CPNE8: variants seen among roughly 807,000 people sequenced by gnomAD.
CPNE8 encodes the protein copine 8.
In CPNE8, 45 loss-of-function variants were observed where a neutral mutation model predicts 81.5. The ratio of observed to expected loss-of-function variants is 0.55; its 90% CI spans 0.44 to 0.71. CPNE8 has a LOEUF of 0.71. Among genes scored for constraint, CPNE8 ranks in the 30% least tolerant of loss-of-function variants. The pLI is 0.00. For synonymous variants in CPNE8, 252 were observed against 226.3 expected (o/e 1.11, Z -1.02); for missense variants, 594 against 672.1 (o/e 0.88, Z 1.28).
At chr12:38,740,875 G>T (rs1016441647) in intron 10 of CPNE8, among the ~76,000 whole-genome samples, 1 of 152,112 alleles carries the variant, frequency 6.6e-6, no homozygotes, top group East Asian at 1.9e-4. Context: ...TCTCTGCCAG[G>T]CTTTGGTATC....
At chr12:38,830,224 G>T (rs1943262699) in intron 5 of CPNE8, among the ~76,000 whole-genome samples, 1 of 152,026 alleles carries the variant, frequency 6.6e-6, no homozygotes, top group Admixed American at 6.5e-5. Context: ...ATTTCACATT[G>T]CATGCCTATA....
chr12:38,851,646 T>C (rs1943648240), intron 3 of CPNE8, among the ~76,000 whole-genome samples: 1 of 152,218 alleles, frequency 6.6e-6, no homozygotes, highest in South Asian at 2.1e-4. Flanking sequence ...CTAACTTACA[T>C]TTCTGCTTCT....
chr12:38,905,165 G>T (rs1319407032), intron 1 of CPNE8, among the ~76,000 whole-genome samples: 1 of 152,136 alleles, frequency 6.6e-6, no homozygotes, highest in Non-Finnish European at 1.5e-5. Flanking sequence ...GGCGGCGGCC[G>T]GTGTTCCCAC....
chr12:38,674,276 G>A (rs1291510469), intron 18 of CPNE8, among the ~76,000 whole-genome samples: 1 of 152,100 alleles, frequency 6.6e-6, no homozygotes, highest in Non-Finnish European at 1.5e-5. Flanking sequence ...AGGTGTGGGA[G>A]CTCTCAAAGA....
chr12:38,694,324 G>T (rs1939746205), intron 14 of CPNE8, among the ~76,000 whole-genome samples: 1 of 152,102 alleles, frequency 6.6e-6, no homozygotes, highest in Non-Finnish European at 1.5e-5. Context: ...GAAGTATAGT[G>T]ATTTTCAAGT....
At chr12:38,720,378 C>T (rs546893351) in intron 13 of CPNE8, among the ~76,000 whole-genome samples, 1 of 152,192 alleles carries the variant, frequency 6.6e-6, no homozygotes, top group East Asian at 1.9e-4. Context: ...TTTATTGGTA[C>T]CAGATTCTGA....
intron 6 of CPNE8, among the ~76,000 whole-genome samples, chr12:38,791,354 C>A (rs1942318568): frequency 4.0e-5 from 6 of 151,090 alleles, no homozygotes; most frequent in Admixed American, 3.3e-4. Flanking sequence ...CTAAAATGGA[C>A]CATATACTAT....
intron 13 of CPNE8, among the ~76,000 whole-genome samples, chr12:38,722,655 T>C (rs1488685998): frequency 6.6e-6 from 1 of 152,240 alleles, no homozygotes; most frequent in Non-Finnish European, 1.5e-5. Flanking sequence ...TTCACTCCAC[T>C]TTTGCGTATT....
chr12:38,697,541 T>C (rs1939827209), intron 14 of CPNE8, among the ~76,000 whole-genome samples: 1 of 152,200 alleles, frequency 6.6e-6, no homozygotes, highest in Middle Eastern at 3.2e-3. Flanking sequence ...CTAGGTCATA[T>C]GGTAACTCTA....
In CPNE8 at chr12:38,794,722, G is replaced by C. The variant is rs939282793; in HGVS notation, c.408-18421C>G. ...TGAAACCCTTGTGCACTATTGGTGG[G>C]ATTATAAAACAGTGCAATTGCTATA... On this transcript the variant is annotated intron_variant, in intron 6 of 19. Transcript: ENST00000331366. 2.6e-5 allele frequency among the ~76,000 whole-genome samples: 4 copies of C among 151,900 alleles called. No individual in the cohort carries two copies. In the East Asian group the frequency reaches 7.7e-4, roughly 29 times the overall value.
chr12:38,675,838 G>T, intron 17 of CPNE8, 64 bp from the exon 18 acceptor site: 2 of 1,057,998 alleles, frequency 1.9e-6, no homozygotes, highest in South Asian at 1.3e-5. Flanking sequence ...AATAATTAAA[G>T]GCCAGGCATG....
Position 38,734,973 on chromosome 12 carries a change from G to A in CPNE8, c.723-4615C>T, listed in dbSNP as rs140240635. ...GCATGTCTCCCCTTTGGAGTACACC[G>A]CAGTGTAACATGTTTCAGATATGTA... On this transcript the variant is annotated intron_variant, in intron 10 of 19. Transcript: ENST00000331366. 5.6e-3 allele frequency among the ~76,000 whole-genome samples: 859 copies of A among 152,150 alleles called. 5 individuals carry two copies. The highest frequency in any genetic ancestry group is 0.02 in the African/African-American group (824 of 41,532).
intron 13 of CPNE8, among the ~76,000 whole-genome samples, chr12:38,716,629 C>A (rs1211462339): frequency 6.6e-6 from 1 of 152,076 alleles, no homozygotes; most frequent in South Asian, 2.1e-4. Context: ...TCACCTAATA[C>A]AAAAATCAAC....
At chr12:38,728,619 G>T (rs905928999) in intron 11 of CPNE8, among the ~76,000 whole-genome samples, 3 of 151,998 alleles carry the variant, frequency 2.0e-5, no homozygotes, top group Admixed American at 1.3e-4. Flanking sequence ...AGAGAACCAT[G>T]GGACACCATT....
chr12:38,789,963 T>G (rs1942283935), intron 6 of CPNE8, among the ~76,000 whole-genome samples: 1 of 151,646 alleles, frequency 6.6e-6, no homozygotes, highest in African/African-American at 2.4e-5. Flanking sequence ...AGCAAGAATG[T>G]GAAGAAAAAT....
chr12:38,760,735 A>G, intron 10 of CPNE8, 112 bp downstream of exon 10: 1 of 866,316 alleles, frequency 1.2e-6, no homozygotes, highest in Non-Finnish European at 1.9e-6. Flanking sequence ...CATTTGGAAA[A>G]ACAAAACAAA....
chr12:38,770,929 A>G (rs7315271), intron 7 of CPNE8, among the ~76,000 whole-genome samples: 48,931 of 151,992 alleles, frequency 0.32, 9,319 homozygotes, highest in Non-Finnish European at 0.44. Context: ...ATCATGACAT[A>G]TATTACCTGC....
At chr12:38,724,766 A>G in intron 12 of CPNE8, 80 bp downstream of exon 12, 1 of 954,110 alleles carries the variant, frequency 1.0e-6, no homozygotes, top group Non-Finnish European at 1.5e-6. Flanking sequence ...AATTGCTTCC[A>G]GTAGGATTAA....
At chr12:38,837,948 T>C (rs915633076) in intron 5 of CPNE8, among the ~76,000 whole-genome samples, 2 of 152,118 alleles carry the variant, frequency 1.3e-5, no homozygotes, top group African/African-American at 4.8e-5. Context: ...CATTTATGAT[T>C]TCTAGGAGGA....
Sources: allele counts gnomAD v4.1 joint callset (sites outside exome capture counted in the v4.1 genomes callset), GRCh38; gene constraint gnomAD v4.1.1; transcripts MANE v1.5; gene names NCBI Gene and HGNC (gene_info 2026-07-23, HGNC 2026-07-21).